HCN1: variants seen among roughly 807,000 people sequenced by gnomAD.
The protein encoded by HCN1 is hyperpolarization activated cyclic nucleotide gated potassium channel 1.
In HCN1, 13 loss-of-function variants were observed where a neutral mutation model predicts 78.9. The ratio of observed to expected loss-of-function variants is 0.16; its 90% CI spans 0.11 to 0.26. The LOEUF (loss-of-function observed/expected upper bound fraction) is 0.26, where lower values mean the gene tolerates loss of function less well. HCN1 is among the 10% of genes least tolerant of loss of function. HCN1 has a pLI of 1.00. For synonymous variants in HCN1, 552 were observed against 455.5 expected (o/e 1.21, Z -2.70); for missense variants, 810 against 1,154.3 (o/e 0.70, Z 4.32).
At chr5:45,274,773 G>A (rs561595456) in intron 6 of HCN1, among the ~76,000 whole-genome samples, 2 of 152,242 alleles carry the variant, frequency 1.3e-5, no homozygotes, top group Non-Finnish European at 2.9e-5. Flanking sequence ...GAGGAAGATG[G>A]TTTCACATCC....
At chr5:45,695,567 G>A in intron 1 of HCN1, 102 bp downstream of exon 1, 1 of 859,054 alleles carries the variant, frequency 1.2e-6, no homozygotes, top group South Asian at 1.5e-5. Context: ...GCCACCCCCC[G>A]CCCGCCCTCC....
chr5:45,354,756 G>C (rs950659488), intron 4 of HCN1, among the ~76,000 whole-genome samples: 2 of 152,002 alleles, frequency 1.3e-5, no homozygotes, highest in African/African-American at 2.4e-5. Context: ...GAAGGCCTAT[G>C]TACATCTCTC....
At chr5:45,499,513 G>A (rs1213448314) in intron 2 of HCN1, among the ~76,000 whole-genome samples, 3 of 152,100 alleles carry the variant, frequency 2.0e-5, no homozygotes, top group East Asian at 1.9e-4. Flanking sequence ...AGATGAACCC[G>A]GTACCTCAGA....
At chr5:45,624,681 T>A (rs1175384116) in intron 2 of HCN1, among the ~76,000 whole-genome samples, 1 of 151,512 alleles carries the variant, frequency 6.6e-6, no homozygotes. Context: ...TAGTGGAAAG[T>A]GTGAAGGATG....
At chr5:45,429,021 A>G (rs1740410276) in intron 3 of HCN1, among the ~76,000 whole-genome samples, 1 of 152,190 alleles carries the variant, frequency 6.6e-6, no homozygotes. Flanking sequence ...ATTATTTTGA[A>G]TAAAGTATTC....
intron 5 of HCN1, 118 bp downstream of exon 5, chr5:45,352,981 CA>C (rs1296565408): frequency 1.2e-6 from 1 of 816,352 alleles, no homozygotes; most frequent in Non-Finnish European, 2.0e-6. Flanking sequence ...AAGATAAGGA[CA>C]AAATATCTTA....
rs139002472 is a variant in HCN1, at chr5:45,535,374, G to T, written c.850-73367C>A. On this transcript the variant is annotated intron_variant, in intron 2 of 7. Transcript: ENST00000303230. Reference sequence around the variant, plus strand: ...GCACTTTGGGAGGCCAAGGTGGGCGGATCACTTGAAGTCAGGAGTTCGAGA... The same window carrying T: ...GCACTTTGGGAGGCCAAGGTGGGCGTATCACTTGAAGTCAGGAGTTCGAGA... Among the ~76,000 whole-genome samples, 861 of 152,284 alleles carry T rather than the reference G, an allele frequency of 5.7e-3. 8 individuals carry two copies. The highest frequency in any genetic ancestry group is 8.0e-3 in the Non-Finnish European group (547 of 68,032).
chr5:45,507,939 A>G (rs910196986), intron 2 of HCN1, among the ~76,000 whole-genome samples: 1 of 152,152 alleles, frequency 6.6e-6, no homozygotes, highest in East Asian at 1.9e-4. Flanking sequence ...ATATAACATT[A>G]TATGTGTGCA....
At chr5:45,634,205 C>T (rs1745319533) in intron 2 of HCN1, among the ~76,000 whole-genome samples, 1 of 151,868 alleles carries the variant, frequency 6.6e-6, no homozygotes, top group African/African-American at 2.4e-5. Context: ...CATTCTCTCC[C>T]TCAGATTGTG....
intron 3 of HCN1, among the ~76,000 whole-genome samples, chr5:45,435,958 G>A (rs868611558): frequency 3.3e-5 from 5 of 151,978 alleles, no homozygotes; most frequent in East Asian, 3.9e-4. Flanking sequence ...ATAGACCCCC[G>A]CCAATAAAAT....
intron 5 of HCN1, among the ~76,000 whole-genome samples, chr5:45,318,000 A>T (rs908837630): frequency 5.3e-5 from 8 of 152,182 alleles, no homozygotes; most frequent in Non-Finnish European, 8.8e-5. Flanking sequence ...TGTGGAAGAC[A>T]GTGTGGTGAT....
chr5:45,387,535 A>G (rs1747950833), intron 4 of HCN1, among the ~76,000 whole-genome samples: 1 of 152,086 alleles, frequency 6.6e-6, no homozygotes, highest in South Asian at 2.1e-4. Flanking sequence ...ACTTAGGGGC[A>G]CTTCATTACT....
At chr5:45,369,458 T>C (rs913474378) in intron 4 of HCN1, among the ~76,000 whole-genome samples, 2 of 152,086 alleles carry the variant, frequency 1.3e-5, no homozygotes, top group African/African-American at 4.8e-5. Context: ...TATGGGCCTA[T>C]GAAACACAGC....
At chr5:45,600,531 G>C (rs920910323) in intron 2 of HCN1, among the ~76,000 whole-genome samples, 1 of 151,998 alleles carries the variant, frequency 6.6e-6, no homozygotes, top group African/African-American at 2.4e-5. Context: ...CAGTATACTA[G>C]CCATTAGTAG....
chr5:45,599,840 CT>C (rs1235206388), intron 2 of HCN1, among the ~76,000 whole-genome samples: 2 of 151,398 alleles, frequency 1.3e-5, no homozygotes, highest in Non-Finnish European at 2.9e-5. Context: ...TTTTTTCCAT[CT>C]TTTTTTATCC....
rs140417896 is a variant in HCN1 at position 45,323,492 on chromosome 5, T to A, written c.1378-19653A>T. Among the ~76,000 whole-genome samples, 399 of 152,044 alleles carry A rather than the reference T, an allele frequency of 2.6e-3. 1 individual carries two copies. The highest frequency in any genetic ancestry group is 9.1e-3 in the African/African-American group (378 of 41,536). On this transcript the variant is annotated intron_variant, in intron 5 of 7. Coordinates refer to ENST00000303230, the MANE Select transcript of HCN1 (RefSeq NM_021072.4). Reference sequence around the variant, plus strand: ...TAAAATGGTAGAATGCCTTTCTAGATTTTTTAAAAACCTTTATTAATTTAG... The same window carrying A: ...TAAAATGGTAGAATGCCTTTCTAGAATTTTTAAAAACCTTTATTAATTTAG...
rs1234666186 is a variant in HCN1, at chr5:45,268,379, A to T, written c.1619-1126T>A. Among the ~76,000 whole-genome samples, 6 of 152,238 alleles carry T rather than the reference A, an allele frequency of 3.9e-5. No homozygotes were observed. The East Asian group carries it at 1.2e-3, about 29-fold the overall frequency. Reference sequence around the variant, plus strand: ...TTTTTAATTTGGAAATAATTTAAACATTTAGCTTCAAAATAACAAATTTGA... The same window carrying T: ...TTTTTAATTTGGAAATAATTTAAACTTTTAGCTTCAAAATAACAAATTTGA... On this transcript the variant is annotated intron_variant, in intron 6 of 7. Transcript: ENST00000303230.
chr5:45,361,916 G>T (rs1037406579), intron 4 of HCN1, among the ~76,000 whole-genome samples: 1 of 152,030 alleles, frequency 6.6e-6, no homozygotes, highest in Non-Finnish European at 1.5e-5. Context: ...TTAGCAATTA[G>T]AAGAAAATCC....
chr5:45,575,876 C>A (rs1181155689), intron 2 of HCN1: 1 of 152,038 alleles, frequency 6.6e-6, no homozygotes, highest in African/African-American at 2.4e-5. Flanking sequence ...TTTCAACTTT[C>A]AAGTGTTATG....
Sources: gnomAD v4.1 joint callset for allele counts (sites outside exome capture counted in the v4.1 genomes callset) on GRCh38, gnomAD v4.1.1 for gene constraint, MANE v1.5 for transcripts, NCBI Gene and HGNC (gene_info 2026-07-23, HGNC 2026-07-21) for gene names.